The following KANK1 variants were observed in gnomAD, a reference collection of about 807,000 sequenced individuals.
KANK1 encodes KN motif and ankyrin repeat domains 1.
Under a neutral mutation model 106.2 loss-of-function variants are expected in KANK1, and 109 were observed. That is an observed-to-expected ratio of 1.03 (90% CI 0.88 to 1.20). KANK1 has a LOEUF of 1.20. Ranked by LOEUF, KANK1 falls within the 50% of genes most tolerant of loss-of-function variation. The pLI, the probability that KANK1 is intolerant of heterozygous loss-of-function variation, is 0.00. For missense variants in KANK1, 2,399 were observed against 1,710.7 expected, an observed-to-expected ratio of 1.40 and a Z score of -7.10; for synonymous variants, 873 against 652.2, an observed-to-expected ratio of 1.34 and a Z score of -5.16.
Position 711,862 on chromosome 9 carries a change from G to C in KANK1, c.1096G>C (p.Glu366Gln). ...TVEQSTQRIK[E>Q]FRQLTADMQA... Reference sequence around the variant, plus strand: ...AGAACAGAGCACGCAGAGGATAAAGGAGTTCCGGCAACTTACAGCAGACAT... The same window carrying C: ...AGAACAGAGCACGCAGAGGATAAAGCAGTTCCGGCAACTTACAGCAGACAT... The change falls in exon 3 of 12, where the codon GAG becomes CAG. Residue 366 changes from glutamate (E) to glutamine (Q), a missense_variant. Coordinates refer to ENST00000382297, the MANE Select transcript of KANK1 (RefSeq NM_015158.5). 6.2e-7 allele frequency: 1 copy of C among 1,614,208 alleles called. No individual in the cohort carries two copies. The highest frequency in any genetic ancestry group is 1.1e-5 in the South Asian group (1 of 91,084).
chr9:721,493 C>G (rs1028772504), intron 3 of KANK1, among the ~76,000 whole-genome samples: 3 of 152,260 alleles, frequency 2.0e-5, no homozygotes, highest in South Asian at 4.1e-4. Context: ...CATAATAAGA[C>G]TAAAACTTAT....
chr9:742,373 C>T lies in KANK1; in HGVS notation c.3865C>T (p.Gln1289Ter). 1 of 1,613,918 alleles carries T rather than the reference C, an allele frequency of 6.2e-7. No individual in the cohort carries two copies. The highest frequency in any genetic ancestry group is 8.5e-7 in the Non-Finnish European group (1 of 1,179,916). The change falls in exon 10 of 12, where the codon CAG becomes TAG. Residue 1289 changes from glutamine to a stop codon, truncating the protein, a stop_gained. Coordinates refer to ENST00000382297, the MANE Select transcript of KANK1 (RefSeq NM_015158.5). LOFTEE classifies it high-confidence loss of function. ...HVEIVKLLLAQPGCNGHLEDN... is the reference protein window; with the variant it reads ...HVEIVKLLLA ...GGAGATTGTCAAGCTGCTGCTGGCC[C>T]AGCCCGGCTGCAACGGTCACCTAGA...
intron 1 of KANK1, among the ~76,000 whole-genome samples, chr9:631,542 T>C (rs926071171): frequency 3.8e-5 from 3 of 79,184 alleles, no homozygotes; most frequent in African/African-American, 3.0e-4. Flanking sequence ...AGGATCTCCT[T>C]CTTCCACATT....
At chr9:670,073 A>AT (rs1441887293) in intron 1 of KANK1, among the ~76,000 whole-genome samples, 4 of 152,024 alleles carry the variant, frequency 2.6e-5, no homozygotes, top group Non-Finnish European at 5.9e-5. Context: ...GATTCGTTTG[A>AT]TTTTTTATCA....
intron 1 of KANK1, among the ~76,000 whole-genome samples, chr9:649,790 C>T (rs372833382): frequency 6.6e-6 from 1 of 152,146 alleles, no homozygotes; most frequent in Non-Finnish European, 1.5e-5. Flanking sequence ...TGGCAGCCAA[C>T]CAGGGAGGTG....
chr9:608,820 C>G (rs1244196090), intron 1 of KANK1, among the ~76,000 whole-genome samples: 6 of 152,132 alleles, frequency 3.9e-5, no homozygotes, highest in African/African-American at 7.2e-5. Context: ...CAGAGTGTTT[C>G]CAAGGGAGGT....
chr9:687,664 A>G (rs1818878027), intron 2 of KANK1, among the ~76,000 whole-genome samples: 1 of 152,096 alleles, frequency 6.6e-6, no homozygotes, highest in African/African-American at 2.4e-5. Flanking sequence ...TCCCATATCT[A>G]TTAATATAAG....
chr9:507,154 A>G (rs1321879803), intron 1 of KANK1, among the ~76,000 whole-genome samples: 3 of 146,784 alleles, frequency 2.0e-5, no homozygotes, highest in East Asian at 3.9e-4. Flanking sequence ...TTTTTTGGTA[A>G]TTTAGAACAT....
rs772274792 is a variant in KANK1 at position 710,918 on chromosome 9, A to C, written c.152A>C (p.Asp51Ala). The part of the protein sequence containing the change: ...LDLDFLKYVD[D>A]IQKGNTIKRL... Reference sequence around the variant, plus strand: ...TTAGATTTCCTCAAATATGTGGATGACATACAGAAGGGAAATACCATCAAA... The same window carrying C: ...TTAGATTTCCTCAAATATGTGGATGCCATACAGAAGGGAAATACCATCAAA... Residue 51 changes from aspartate to alanine, a missense_variant, in exon 3 of 12, where the codon GAC (aspartate) becomes GCC (alanine). Physicochemically the swap from Asp to Ala is moderately radical, Grantham distance 126 (BLOSUM62 -2). Transcript: ENST00000382297. 6.2e-7 allele frequency: 1 copy of C among 1,614,198 alleles called. No individual in the cohort carries two copies. The highest frequency in any genetic ancestry group is 2.2e-5 in the East Asian group (1 of 44,876).
intron 1 of KANK1, among the ~76,000 whole-genome samples, chr9:578,577 GTA>G (rs1821216058): frequency 6.6e-6 from 1 of 151,932 alleles, no homozygotes; most frequent in East Asian, 1.9e-4. Flanking sequence ...TAGTTTAGGA[GTA>G]TATCTCAATG....
rs534131972 is a variant in KANK1, at chr9:679,921, T to G, written c.37+2912T>G. ...ACAAAGGAAACACCTCTCCAATGTT[T>G]AAAAAAATACTCAATGTAAGAGATG... On this transcript the variant is annotated intron_variant, in intron 2 of 11. Transcript: ENST00000382297. Among the ~76,000 whole-genome samples the G allele has an allele frequency of 7.6e-4, 115 of 152,206 alleles. 1 individual carries two copies. Among genetic ancestry groups the G allele is most frequent in the African/African-American group, 2.7e-3 (113 of 41,522 alleles).
Position 600,712 on chromosome 9 carries a change from C to G in KANK1, c.-83-76178C>G, listed in dbSNP as rs1015660526. 2.0e-5 allele frequency among the ~76,000 whole-genome samples: 3 copies of G among 151,886 alleles called. No homozygotes were observed. The East Asian group carries it at 5.8e-4, about 29-fold the overall frequency. ...AACATAACTTTCATTATCCCTCCAC[C>G]CATTGCTGGCAGTCATTTTTAAATA... On this transcript the variant is annotated intron_variant, in intron 1 of 11. Coordinates refer to ENST00000382297, the MANE Select transcript of KANK1 (RefSeq NM_015158.5).
chr9:471,768 C>T (rs1335916493), intron 2 of KANK1, among the ~76,000 whole-genome samples: 1 of 152,146 alleles, frequency 6.6e-6, no homozygotes, highest in African/African-American at 2.4e-5. Flanking sequence ...GTGGTGCATA[C>T]TTGTAGTCCT....
rs566129946 is a variant in KANK1 at position 587,721 on chromosome 9, C to T, written c.-84+82967C>T. ...CATTTTATATATATTAATTTATTCT[C>T]ATAACCCTTGGTACTTTTATTATCC... On this transcript the variant is annotated intron_variant, in intron 1 of 11. Coordinates refer to ENST00000382297, the MANE Select transcript of KANK1 (RefSeq NM_015158.5). Among the ~76,000 whole-genome samples, 36 of 152,298 alleles carry T rather than the reference C, an allele frequency of 2.4e-4. No homozygotes were observed. In the South Asian group the frequency reaches 7.3e-3, roughly 31 times the overall value.
chr9:691,676 T>C (rs1042333145), intron 2 of KANK1, among the ~76,000 whole-genome samples: 14 of 144,074 alleles, frequency 9.7e-5, no homozygotes, highest in African/African-American at 1.8e-4. Context: ...TACAGTAGCA[T>C]GATCATAGCT....
At chr9:726,146 T>C (rs145203963) in intron 3 of KANK1, among the ~76,000 whole-genome samples, 171 of 152,168 alleles carry the variant, frequency 1.1e-3, no homozygotes, top group African/African-American at 3.9e-3. Context: ...TATTTTTTTT[T>C]CCCATGAGTC....
chr9:640,027 GAC>G (rs1391383335), intron 1 of KANK1, among the ~76,000 whole-genome samples: 1 of 152,126 alleles, frequency 6.6e-6, no homozygotes, highest in Non-Finnish European at 1.5e-5. Context: ...AATCTTGGGA[GAC>G]ACAAAACATT....
chr9:645,151 T>C (rs917315876), intron 1 of KANK1, among the ~76,000 whole-genome samples: 6 of 125,488 alleles, frequency 4.8e-5, no homozygotes, highest in African/African-American at 2.1e-4. Flanking sequence ...AAAAAAGAAT[T>C]AGGCTTAGGG....
chr9:717,345 A>G (rs1322162160), intron 3 of KANK1, among the ~76,000 whole-genome samples: 1 of 152,192 alleles, frequency 6.6e-6, no homozygotes. Flanking sequence ...TAAAAGAGTT[A>G]AAGCCTCCCT....
Sources: gnomAD v4.1 joint callset for allele counts (sites outside exome capture counted in the v4.1 genomes callset) on GRCh38, gnomAD v4.1.1 for gene constraint, MANE v1.5 for transcripts, NCBI Gene and HGNC (gene_info 2026-07-23, HGNC 2026-07-21) for gene names.